Variants in TCF25 observed in about 807,000 individuals in gnomAD.
The protein encoded by TCF25 is ribosome quality control complex subunit TCF25.
TCF25 carries 41 observed loss-of-function variants against 83.1 expected under a neutral mutation model. The ratio of observed to expected loss-of-function variants is 0.49; its 90% CI spans 0.38 to 0.64. The LOEUF is 0.64. Ranked by LOEUF, TCF25 falls within the 30% of genes least tolerant of loss-of-function variation. TCF25 has a pLI of 0.00. For synonymous variants in TCF25, 458 were observed against 365.0 expected, an observed-to-expected ratio of 1.25 and a Z score of -2.90; for missense variants, 979 against 914.5, an observed-to-expected ratio of 1.07 and a Z score of -0.91.
intron 1 of TCF25, among the ~76,000 whole-genome samples, chr16:89,881,944 G>A (rs550236292): frequency 2.0e-5 from 3 of 152,032 alleles, no homozygotes; most frequent in African/African-American, 7.2e-5. Flanking sequence ...CAGTAGAGAC[G>A]GGATTTCACC....
Position 89,900,717 on chromosome 16 carries a change from T to C in TCF25, c.1304T>C (p.Leu435Pro). The C allele has an allele frequency of 6.2e-7, 1 of 1,606,558 alleles. No individual in the cohort carries two copies. Among genetic ancestry groups the C allele is most frequent in the East Asian group, 2.2e-5 (1 of 44,634 alleles). ...TTCCTGCTGAGCCAGCAGACAGACCTCCCTGAGTGTGAGCAGAGCTCTGCC... is the reference window on the plus strand; with the variant it reads ...TTCCTGCTGAGCCAGCAGACAGACCCCCCTGAGTGTGAGCAGAGCTCTGCC... ...AYFLLSQQTD[L>P]PECEQSSARQ... is the part of the protein sequence containing the mutation. The change falls in exon 12 of 18, where the codon CTC becomes CCC. Residue 435 changes from leucine (L) to proline (P), a missense_variant. Leu to Pro is a moderately conservative substitution (Grantham distance 98). Transcript: ENST00000263346.
intron 1 of TCF25, among the ~76,000 whole-genome samples, chr16:89,877,117 T>TAA (rs747871760): frequency 0.054 from 8,124 of 150,386 alleles, 500 homozygotes; most frequent in African/African-American, 0.15. Context: ...AATAAATAAA[T>TAA]AAATAAATAA....
chr16:89,879,141 C>G (rs1206640613), intron 1 of TCF25, among the ~76,000 whole-genome samples: 2 of 151,010 alleles, frequency 1.3e-5, no homozygotes, highest in African/African-American at 2.4e-5. Context: ...GCTTCGGGGC[C>G]TGTCATACGT....
intron 1 of TCF25, among the ~76,000 whole-genome samples, chr16:89,880,088 CACAG>C (rs1480379934): frequency 4.0e-5 from 6 of 151,742 alleles, no homozygotes; most frequent in African/African-American, 7.3e-5. Flanking sequence ...TGTCCATGTA[CACAG>C]ACAGGCTCCC....
intron 16 of TCF25, among the ~76,000 whole-genome samples, chr16:89,908,655 C>A (rs2045253312): frequency 7.3e-6 from 1 of 136,794 alleles, no homozygotes; most frequent in Admixed American, 7.2e-5. Context: ...CAGCTCCCAC[C>A]TCCCAGCTCC....
rs767240026 is a variant in TCF25 at position 89,873,683 on chromosome 16, C to T, written c.16C>T (p.Leu6Phe). 4.4e-6 allele frequency: 7 copies of T among 1,601,618 alleles called. No individual in the cohort carries two copies. The highest frequency in any genetic ancestry group is 1.7e-6 in the Non-Finnish European group (2 of 1,176,442). Residue 6 changes from leucine (L) to phenylalanine (F), a missense_variant, in exon 1 of 18, where the codon CTC becomes TTC. By Grantham distance (22) the Leu-to-Phe change is conservative (BLOSUM62 0). Transcript: ENST00000263346. MSRRA[L>F]RRLRGEQRGQ... ...GTTCGGTCCTATGTCGCGCCGGGCC[C>T]TCCGGAGGCTGAGGGGGGAACAGCG...
At chr16:89,889,334 C>G in intron 5 of TCF25, 1 of 288,480 alleles carries the variant, frequency 3.5e-6, no homozygotes, top group Non-Finnish European at 6.7e-6. Flanking sequence ...CATGCCACCG[C>G]TAATTTATTT....
chr16:89,908,956 C>T (rs1432457140), intron 16 of TCF25: 39 of 1,289,264 alleles, frequency 3.0e-5, no homozygotes, highest in Non-Finnish European at 3.8e-5. Context: ...GTGGGTCTTT[C>T]CCCTCACAGG....
At chr16:89,907,376 T>TCC (rs1266758666) in intron 16 of TCF25, 54 bp downstream of exon 16, 75,439 of 180,586 alleles carry the variant, frequency 0.42, 8,748 homozygotes, top group East Asian at 0.51. Flanking sequence ...CTCCTCCCAG[T>TCC]TCCCAGCTCC....
intron 5 of TCF25, chr16:89,889,330 A>G (rs2043250192): frequency 3.4e-6 from 1 of 292,926 alleles, no homozygotes; most frequent in Non-Finnish European, 6.6e-6. Context: ...GGCACATGCC[A>G]CCGCTAATTT....
chr16:89,877,526 G>C lies in TCF25; in HGVS notation c.192+3667G>C, dbSNP rs539581238. On this transcript the variant is annotated intron_variant, in intron 1 of 17. Transcript: ENST00000263346. ...AAACGATGATTAGAACTTTATCATC[G>C]TAAATTTTAAATTAGAAAAGTGTTT... Among the ~76,000 whole-genome samples the C allele has an allele frequency of 1.1e-3, 165 of 152,088 alleles. 1 individual carries two copies. The highest frequency in any genetic ancestry group is 2.1e-3 in the Non-Finnish European group (141 of 68,024).
intron 1 of TCF25, among the ~76,000 whole-genome samples, chr16:89,880,488 G>A (rs967274504): frequency 1.3e-5 from 2 of 152,172 alleles, no homozygotes; most frequent in East Asian, 1.9e-4. Flanking sequence ...GGAGGCTGAG[G>A]CAGGAGAATC....
rs1567702804 is a variant in TCF25 at position 89,885,103 on chromosome 16, G to GCCCTCTCCCTCTGCCTGATGC, written c.429+465_429+466insTGCCCCTCTCCCTCTGCCTGA. Among the ~76,000 whole-genome samples, 947 of 115,974 alleles carry GCCCTCTCCCTCTGCCTGATGC rather than the reference G, an allele frequency of 8.2e-3. 47 individuals are homozygous for GCCCTCTCCCTCTGCCTGATGC. The highest frequency in any genetic ancestry group is 0.024 in the African/African-American group (682 of 28,020). 76.1% of individuals were successfully genotyped at this position (115,974 alleles called of 152,430 possible). ...CTGACGCCCTCTCCCTCTGCCTGACGCCCTCTCCCTCTGCCTGACGCTCTC... is the reference window on the plus strand; with the variant it reads ...CTGACGCCCTCTCCCTCTGCCTGACGCCCTCTCCCTCTGCCTGATGCCCCTCTCCCTCTGCCTGACGCTCTC... On this transcript the variant is annotated intron_variant, in intron 3 of 17. Coordinates refer to ENST00000263346, the MANE Select transcript of TCF25 (RefSeq NM_014972.3).
intron 5 of TCF25, among the ~76,000 whole-genome samples, 190 bp downstream of exon 5, chr16:89,887,907 C>G (rs960916548): frequency 6.6e-6 from 1 of 152,124 alleles, no homozygotes; most frequent in Admixed American, 6.6e-5. Context: ...TGTCTGTGAC[C>G]GTGGGTTGTA....
intron 2 of TCF25, chr16:89,883,741 GCAGT>G: frequency 1.9e-6 from 1 of 527,382 alleles, no homozygotes; most frequent in Non-Finnish European, 3.4e-6. Context: ...CGCCTGCCCA[GCAGT>G]GTATGTAACC....
At chr16:89,911,021 C>T in intron 17 of TCF25, 59 bp from the exon 18 acceptor site, 1 of 1,596,700 alleles carries the variant, frequency 6.3e-7, no homozygotes. Flanking sequence ...CTGCTTGGGC[C>T]CCGGGCCCCT....
intron 5 of TCF25, chr16:89,889,615 A>G (rs1011176336): frequency 8.2e-5 from 13 of 157,700 alleles, no homozygotes; most frequent in African/African-American, 3.2e-4. Flanking sequence ...CAATGGCTCA[A>G]TCTTGGCTCA....
At chr16:89,889,327 G>T (rs1432111373) in intron 5 of TCF25, 1 of 295,336 alleles carries the variant, frequency 3.4e-6, no homozygotes. Context: ...ACCGGCACAT[G>T]CCACCGCTAA....
At chr16:89,900,836 T>G in intron 12 of TCF25, 42 bp downstream of exon 12, 1 of 1,496,784 alleles carries the variant, frequency 6.7e-7, no homozygotes, top group Non-Finnish European at 9.1e-7. Flanking sequence ...GGGTGTGTCC[T>G]GTCAGCCGTG....
Sources: gnomAD v4.1 joint callset for allele counts (sites outside exome capture counted in the v4.1 genomes callset) on GRCh38, gnomAD v4.1.1 for gene constraint, MANE v1.5 for transcripts, NCBI Gene and HGNC (gene_info 2026-07-23, HGNC 2026-07-21) for gene names.